Variants in VPS26C observed in about 807,000 individuals in gnomAD.
VPS26C encodes vacuolar protein sorting-associated protein 26C.
In VPS26C, 19 loss-of-function variants were observed where a neutral mutation model predicts 30.6. That is an observed-to-expected ratio of 0.62 (90% CI 0.43 to 0.91). The LOEUF (loss-of-function observed/expected upper bound fraction) is 0.91. VPS26C is among the 40% of genes least tolerant of loss of function. The pLI, the probability that VPS26C is intolerant of heterozygous loss-of-function variation, is 0.00. For synonymous variants in VPS26C, 132 were observed against 151.5 expected, an observed-to-expected ratio of 0.87 and a Z score of 0.95; for missense variants, 318 against 385.1, an observed-to-expected ratio of 0.83 and a Z score of 1.46.
upstream of VPS26C, chr21:37,267,849 TC>T (rs1322286868): frequency 6.5e-6 from 1 of 154,520 alleles, no homozygotes; most frequent in Non-Finnish European, 1.4e-5. Context: ...CACCGCTTTC[TC>T]CCTGGGGTTC....
intron 7 of VPS26C, 116 bp downstream of exon 7, chr21:37,227,538 C>G: frequency 8.1e-7 from 1 of 1,228,008 alleles, no homozygotes; most frequent in Non-Finnish European, 1.2e-6. Flanking sequence ...GTGGCAGGCC[C>G]TGGCACTGAG....
upstream of VPS26C, chr21:37,267,399 C>G: frequency 2.0e-6 from 2 of 1,014,290 alleles, no homozygotes; most frequent in Non-Finnish European, 3.1e-6. Context: ...CCCTCTCTGC[C>G]GGCAGTGGCT....
intron 1 of VPS26C, among the ~76,000 whole-genome samples, chr21:37,264,764 T>C (rs761502765): frequency 3.9e-5 from 6 of 152,154 alleles, no homozygotes; most frequent in Non-Finnish European, 7.3e-5. Context: ...AAAGTTAAAG[T>C]AGCTCAGCAA....
At position 37,233,134 on chromosome 21, in the gene VPS26C, G is replaced by T. The variant is rs574214489; in HGVS notation, c.432+228C>A. ...GAAAGGTCCTGCCTGATGTGCCGACGTGGAGTCCCTCTGGCCCGCGGCCTC... is the reference window on the plus strand; with the variant it reads ...GAAAGGTCCTGCCTGATGTGCCGACTTGGAGTCCCTCTGGCCCGCGGCCTC... On this transcript the variant is annotated intron_variant, in intron 4 of 7. Coordinates refer to ENST00000309117, the MANE Select transcript of VPS26C (RefSeq NM_006052.2). The surrounding 1 kb of genome is among the most constrained non-coding windows in gnomAD (Gnocchi z 5.2). Among the ~76,000 whole-genome samples, 1 of 152,318 alleles carries T rather than the reference G, an allele frequency of 6.6e-6. No homozygotes were observed. The highest frequency in any genetic ancestry group is 2.4e-5 in the African/African-American group (1 of 41,574).
chr21:37,244,029 CAG>C lies in VPS26C; in HGVS notation c.58-3392_58-3391del, dbSNP rs1392543174. On this transcript the variant is annotated intron_variant, in intron 1 of 7. Transcript: ENST00000309117. ...CCATGCACCCAAGAACCACACCACT[CAG>C]AGCCTGCTTCGAGGGGCTCCTCCAA... Among the ~76,000 whole-genome samples the C allele has an allele frequency of 2.0e-5, 3 of 152,198 alleles. No individual in the cohort carries two copies. The East Asian group carries it at 5.8e-4, about 29-fold the overall frequency.
Position 37,227,784 on chromosome 21 carries a change from G to C in VPS26C, c.681C>G (p.Arg227=). 6.2e-7 allele frequency: 1 copy of C among 1,614,048 alleles called. No homozygotes were observed. Among genetic ancestry groups the C allele is most frequent in the East Asian group, 2.2e-5 (1 of 44,872 alleles). ...ETCGCAEGYA[R]DATEIQNIQI... ...GAATGTTCTGAATCTCCGTGGCGTCGCGGGCATAGCCTTCTGCACACCCTG... is the reference window on the plus strand; with the variant it reads ...GAATGTTCTGAATCTCCGTGGCGTCCCGGGCATAGCCTTCTGCACACCCTG... The change falls in exon 7 of 8, where the codon CGC becomes CGG. Residue 227 remains arginine (R), a synonymous_variant. Coordinates refer to ENST00000309117, the MANE Select transcript of VPS26C (RefSeq NM_006052.2).
At chr21:37,267,017 C>T in intron 1 of VPS26C, 1 of 574,570 alleles carries the variant, frequency 1.7e-6, no homozygotes, top group Non-Finnish European at 3.1e-6. Flanking sequence ...GATGCGGCGG[C>T]GGCGCCTGCC....
At chr21:37,235,672 C>T (rs535938794) in intron 3 of VPS26C, among the ~76,000 whole-genome samples, 2 of 151,576 alleles carry the variant, frequency 1.3e-5, no homozygotes, top group Non-Finnish European at 2.9e-5. Flanking sequence ...AGGGCAACTA[C>T]GGAAGACTCT....
intron 1 of VPS26C, among the ~76,000 whole-genome samples, chr21:37,251,697 T>C (rs751534568): frequency 6.6e-6 from 1 of 152,146 alleles, no homozygotes; most frequent in Non-Finnish European, 1.5e-5. Flanking sequence ...GTGAATTGAT[T>C]ACCTATTATA....
At chr21:37,263,681 A>C (rs1019376681) in intron 1 of VPS26C, among the ~76,000 whole-genome samples, 1 of 152,186 alleles carries the variant, frequency 6.6e-6, no homozygotes, top group African/African-American at 2.4e-5. Flanking sequence ...CAATCACTTA[A>C]TGACCTCAAG....
chr21:37,248,078 G>C (rs974470589), intron 1 of VPS26C, among the ~76,000 whole-genome samples: 5 of 152,134 alleles, frequency 3.3e-5, no homozygotes, highest in African/African-American at 1.2e-4. Flanking sequence ...AAAAACTACA[G>C]GGAATAGATT....
intron 5 of VPS26C, chr21:37,230,483 T>C (rs910282463): frequency 1.3e-5 from 2 of 152,280 alleles, no homozygotes; most frequent in Admixed American, 1.3e-4. Context: ...ATCTCTTTTC[T>C]ACTTAAAAAG....
At chr21:37,247,929 G>A (rs1405742818) in intron 1 of VPS26C, among the ~76,000 whole-genome samples, 1 of 152,168 alleles carries the variant, frequency 6.6e-6, no homozygotes, top group Non-Finnish European at 1.5e-5. Context: ...CTAGCACTTT[G>A]GGAGGCCGAG....
intron 1 of VPS26C, among the ~76,000 whole-genome samples, chr21:37,266,242 T>C (rs183430529): frequency 6.6e-6 from 1 of 152,254 alleles, no homozygotes; most frequent in East Asian, 1.9e-4. Context: ...TAATTAACCA[T>C]CAAGGGGATG....
chr21:37,249,432 A>T (rs1187418286), intron 1 of VPS26C, among the ~76,000 whole-genome samples: 1 of 152,256 alleles, frequency 6.6e-6, no homozygotes. Flanking sequence ...GTGAGAAGAT[A>T]CAATGGAAGA....
intron 1 of VPS26C, among the ~76,000 whole-genome samples, chr21:37,249,620 A>T (rs1270489818): frequency 6.6e-6 from 1 of 152,244 alleles, no homozygotes; most frequent in African/African-American, 2.4e-5. Context: ...GCCCTTAACA[A>T]ATCTACTTTC....
At chr21:37,235,369 G>A (rs1057382812) in intron 3 of VPS26C, among the ~76,000 whole-genome samples, 3 of 152,148 alleles carry the variant, frequency 2.0e-5, no homozygotes, top group Non-Finnish European at 4.4e-5. Context: ...CCTGACCTTA[G>A]GTGATCTGCC....
Position 37,224,722 on chromosome 21 carries a change from A to C in VPS26C, c.*822T>G, listed in dbSNP as rs2085881536. On this transcript the variant is annotated 3_prime_UTR_variant, in exon 8 of 8. Transcript: ENST00000309117. ...CTACAGAGGCTGGGTGTGGTGGCTC[A>C]CACCTGTAATCCCAGCACTTTGGGA... 6.6e-6 allele frequency: 1 copy of C among 152,192 alleles called. No individual in the cohort carries two copies. 9.4% of individuals were successfully genotyped at this position (152,192 alleles called of 1,614,324 possible).
chr21:37,227,173 G>C (rs1310296954), intron 7 of VPS26C: 1 of 155,016 alleles, frequency 6.5e-6, no homozygotes, highest in African/African-American at 2.4e-5. Flanking sequence ...CACGGGTCCT[G>C]GACCTTCACA....
Sources: allele counts gnomAD v4.1 joint callset (sites outside exome capture counted in the v4.1 genomes callset), GRCh38; gene constraint gnomAD v4.1.1; non-coding constraint Gnocchi (gnomAD v3.1); transcripts MANE v1.5; gene names NCBI Gene and HGNC (gene_info 2026-07-23, HGNC 2026-07-21).